Variants in KCNH1 observed in about 807,000 individuals in gnomAD.
KCNH1 encodes the protein potassium voltage-gated channel subfamily H member 1.
A neutral mutation model predicts 69.2 loss-of-function variants in KCNH1; 27 were observed. That is an observed-to-expected ratio of 0.39 (90% confidence interval 0.29 to 0.54). The LOEUF (loss-of-function observed/expected upper bound fraction) is 0.54, where lower values mean the gene tolerates loss of function less well. KCNH1 is among the 20% of genes least tolerant of loss of function. The pLI, the probability that KCNH1 is intolerant of heterozygous loss-of-function variation, is 0.68. For missense variants in KCNH1, 798 were observed against 1,261.6 expected, an observed-to-expected ratio of 0.63 and a Z score of 5.57; for synonymous variants, 456 against 487.7, an observed-to-expected ratio of 0.93 and a Z score of 0.86.
chr1:210,760,673 G>A (rs933930436), intron 10 of KCNH1, among the ~76,000 whole-genome samples: 5 of 152,188 alleles, frequency 3.3e-5, no homozygotes, highest in Admixed American at 1.3e-4. Flanking sequence ...GAGGCCTCAC[G>A]ATCATGGCAA....
At chr1:211,125,169 T>C (rs1558615181) in intron 1 of KCNH1, among the ~76,000 whole-genome samples, 1 of 152,136 alleles carries the variant, frequency 6.6e-6, no homozygotes, top group Non-Finnish European at 1.5e-5. Flanking sequence ...CTACAACCTC[T>C]CTCTTGCTTC....
chr1:210,749,645 T>G (rs181957355), intron 10 of KCNH1, among the ~76,000 whole-genome samples: 1 of 152,186 alleles, frequency 6.6e-6, no homozygotes, highest in African/African-American at 2.4e-5. Flanking sequence ...AGACACCAGT[T>G]TATAGAAATA....
chr1:210,731,396 C>A (rs1682743530), intron 10 of KCNH1, among the ~76,000 whole-genome samples: 1 of 152,184 alleles, frequency 6.6e-6, no homozygotes, highest in Middle Eastern at 3.2e-3. Flanking sequence ...AGAGCTTGCA[C>A]CCTTAACCAC....
intron 5 of KCNH1, among the ~76,000 whole-genome samples, chr1:211,049,899 G>A (rs4364937): frequency 0.37 from 55,836 of 151,980 alleles, 10,817 homozygotes; most frequent in South Asian, 0.45. Flanking sequence ...AGTATCAGCT[G>A]TCATCTCCCT....
intron 7 of KCNH1, among the ~76,000 whole-genome samples, chr1:210,842,702 C>G (rs17016993): frequency 0.092 from 14,021 of 152,158 alleles, 1,453 homozygotes; most frequent in African/African-American, 0.25. Flanking sequence ...CCCTAATAGA[C>G]CCACATTCTA....
intron 6 of KCNH1, among the ~76,000 whole-genome samples, chr1:210,962,342 C>T (rs984381461): frequency 8.6e-5 from 13 of 152,008 alleles, no homozygotes; most frequent in African/African-American, 3.1e-4. Context: ...CCATTTTTTT[C>T]ATTGCTTCAG....
chr1:210,863,946 C>A (rs575699514), intron 7 of KCNH1, among the ~76,000 whole-genome samples: 1 of 146,804 alleles, frequency 6.8e-6, no homozygotes, highest in South Asian at 2.2e-4. Flanking sequence ...AGCACATGCA[C>A]CCTTCTCAGG....
intron 10 of KCNH1, among the ~76,000 whole-genome samples, chr1:210,746,843 G>A (rs548577339): frequency 4.0e-4 from 61 of 152,102 alleles, no homozygotes; most frequent in Non-Finnish European, 7.4e-4. Context: ...CACCATGCCC[G>A]GCTATTACAA....
chr1:210,747,376 G>A (rs1455325999), intron 10 of KCNH1, among the ~76,000 whole-genome samples: 1 of 151,936 alleles, frequency 6.6e-6, no homozygotes, highest in African/African-American at 2.4e-5. Context: ...TTCAGTGAGG[G>A]TCACACACTT....
In KCNH1 at chr1:211,019,225, T is replaced by C; in HGVS notation, c.590A>G (p.Gln197Arg). Residue 197 changes from glutamine (Q) to arginine (R), a missense_variant, in exon 6 of 11, where the codon CAG becomes CGG. Gln to Arg is a conservative substitution (Grantham distance 43). This residue lies in a region of KCNH1 where 266 missense variants were observed against 457.2 expected (regional missense o/e 0.58). Transcript: ENST00000271751. Reference sequence around the variant, plus strand: ...AGTCTTTGGTGCCTCTTGCTTGTACTGGGGAAGGATGTCTGAGCCCAGCTG... The same window carrying C: ...AGTCTTTGGTGCCTCTTGCTTGTACCGGGGAAGGATGTCTGAGCCCAGCTG... ...VLQLGSDILP[Q>R]YKQEAPKTPP... is the part of the protein sequence containing the mutation. 1 of 1,610,440 alleles carries C rather than the reference T, an allele frequency of 6.2e-7. No individual in the cohort carries two copies. Among genetic ancestry groups the C allele is most frequent in the Non-Finnish European group, 8.5e-7 (1 of 1,179,372 alleles).
At chr1:210,950,207 T>C (rs1688036931) in intron 6 of KCNH1, among the ~76,000 whole-genome samples, 1 of 152,010 alleles carries the variant, frequency 6.6e-6, no homozygotes, top group African/African-American at 2.4e-5. Context: ...CACTTCTCAG[T>C]TTAGATTTCT....
At chr1:210,875,862 T>C (rs1686364195) in intron 7 of KCNH1, among the ~76,000 whole-genome samples, 1 of 150,228 alleles carries the variant, frequency 6.7e-6, no homozygotes, top group Admixed American at 6.6e-5. Context: ...AATTAGAACA[T>C]CTAATAAGAA....
intron 10 of KCNH1, among the ~76,000 whole-genome samples, chr1:210,713,078 A>G (rs1330568611): frequency 6.6e-6 from 1 of 152,168 alleles, no homozygotes; most frequent in Middle Eastern, 3.2e-3. Context: ...GTGTTTGTCA[A>G]TTTATTTTAT....
intron 7 of KCNH1, among the ~76,000 whole-genome samples, chr1:210,876,562 T>C (rs1289026103): frequency 6.6e-6 from 1 of 152,096 alleles, no homozygotes; most frequent in East Asian, 1.9e-4. Flanking sequence ...ATGGGAAAAA[T>C]TGAAATATTT....
At chr1:210,745,039 C>T (rs1209101255) in intron 10 of KCNH1, among the ~76,000 whole-genome samples, 1 of 152,176 alleles carries the variant, frequency 6.6e-6, no homozygotes, top group Non-Finnish European at 1.5e-5. Flanking sequence ...CCCATCTCTA[C>T]TAAAAATACA....
chr1:210,764,114 T>C (rs1683573940), intron 10 of KCNH1, among the ~76,000 whole-genome samples: 1 of 151,982 alleles, frequency 6.6e-6, no homozygotes, highest in African/African-American at 2.4e-5. Context: ...AAATAAACAA[T>C]AGGGAAAGAA....
At chr1:210,693,438 A>C (rs1681567246) in intron 10 of KCNH1, among the ~76,000 whole-genome samples, 1 of 152,118 alleles carries the variant, frequency 6.6e-6, no homozygotes, top group Non-Finnish European at 1.5e-5. Flanking sequence ...TCAGAACCCC[A>C]CTTGGGTGGG....
rs531586250 is a variant in KCNH1, at chr1:210,848,752, C to T, written c.1463-44586G>A. Among the ~76,000 whole-genome samples the T allele has an allele frequency of 3.3e-5, 5 of 152,218 alleles. No homozygotes were observed. The East Asian group carries it at 5.8e-4, about 18-fold the overall frequency. ...GAAATTTTGGCTTCATAATAATATA[C>T]TATATATTTGACTTCATAATAACAT... On this transcript the variant is annotated intron_variant, in intron 7 of 10. Transcript: ENST00000271751.
At chr1:210,842,278 G>C (rs1685428299) in intron 7 of KCNH1, among the ~76,000 whole-genome samples, 1 of 152,080 alleles carries the variant, frequency 6.6e-6, no homozygotes, top group Admixed American at 6.6e-5. Flanking sequence ...TTTGAAATAA[G>C]AATACTCTGC....
Sources: allele counts gnomAD v4.1 joint callset (sites outside exome capture counted in the v4.1 genomes callset), GRCh38; gene constraint gnomAD v4.1.1; regional missense constraint gnomAD v4.1.1; transcripts MANE v1.5; gene names NCBI Gene and HGNC (gene_info 2026-07-23, HGNC 2026-07-21).